Variants in RNF10 observed in about 807,000 individuals in gnomAD.
The protein encoded by RNF10 is E3 ubiquitin-protein ligase RNF10.
A neutral mutation model predicts 91.4 loss-of-function variants in RNF10; 38 were observed. That is an observed-to-expected ratio of 0.42 (90% CI 0.32 to 0.54). The LOEUF is 0.54. Ranked by LOEUF, RNF10 falls within the 20% of genes least tolerant of loss-of-function variation. RNF10 has a pLI of 0.16. For synonymous variants in RNF10, 364 were observed against 366.3 expected (o/e 0.99, Z 0.07); for missense variants, 945 against 1,012.0 (o/e 0.93, Z 0.90).
In RNF10 at chr12:120,577,562, AG is replaced by A. The variant is rs1195384740; in HGVS notation, c.*897del. ...GGTGCATTAGAATGCGAAGGCAAATAGTTGCAATAAATCACCTGCACAAGCA... is the reference window on the plus strand; with the variant it reads ...GGTGCATTAGAATGCGAAGGCAAATATTGCAATAAATCACCTGCACAAGCA... On this transcript the variant is annotated 3_prime_UTR_variant, in exon 17 of 17. Transcript: ENST00000325954. The A allele has an allele frequency of 2.3e-5, 4 of 174,782 alleles. No homozygotes were observed. Among genetic ancestry groups the A allele is most frequent in the Non-Finnish European group, 5.0e-5 (4 of 80,752 alleles). 10.8% of individuals were successfully genotyped at this position (174,782 alleles called of 1,614,324 possible). A position where few individuals can be genotyped will look rare whatever the true frequency, so the allele number is the denominator to read the frequency against.
Position 120,563,468 on chromosome 12 carries a change from A to T in RNF10, c.1376A>T (p.Glu459Val). 6.2e-7 allele frequency: 1 copy of T among 1,614,084 alleles called. No individual in the cohort carries two copies. Among genetic ancestry groups the T allele is most frequent in the Non-Finnish European group, 8.5e-7 (1 of 1,180,004 alleles). Residue 459 changes from glutamate (E) to valine (V), a missense_variant, in exon 9 of 17, where the codon GAG becomes GTG. Physicochemically the swap from Glu to Val is moderately radical, Grantham distance 121 (BLOSUM62 -2). Transcript: ENST00000325954. ...GAGGAGGAAGCAGTGTCTGAACCAG[A>T]GCCTGAGGGGTTGCCAGAGGCCTGT... ...VEEEEAVSEP[E>V]PEGLPEACDD... is the part of the protein sequence containing the mutation.
chr12:120,577,353 G>A lies in RNF10; in HGVS notation c.*687G>A, dbSNP rs975233314. 2.9e-6 allele frequency: 1 copy of A among 349,414 alleles called. No individual in the cohort carries two copies. The highest frequency in any genetic ancestry group is 5.5e-6 in the Non-Finnish European group (1 of 180,532). 21.6% of individuals were successfully genotyped at this position (349,414 alleles called of 1,614,324 possible). A position where few individuals can be genotyped will look rare whatever the true frequency, so the allele number is the denominator to read the frequency against. On this transcript the variant is annotated 3_prime_UTR_variant, in exon 17 of 17. Coordinates refer to ENST00000325954, the MANE Select transcript of RNF10 (RefSeq NM_014868.5). ...CCTGAGACCTGCTACCCCTAAGATC[G>A]AGCTTGTTTTCAGTGACTGGCTTGA... is the stretch of plus-strand genomic sequence containing the variant.
At chr12:120,544,104 G>A (rs1871948736) in intron 1 of RNF10, among the ~76,000 whole-genome samples, 1 of 151,852 alleles carries the variant, frequency 6.6e-6, no homozygotes, top group Non-Finnish European at 1.5e-5. Flanking sequence ...GCTCATGCCT[G>A]TAATCCTAGC....
Position 120,560,899 on chromosome 12 carries a change from A to G in RNF10, c.1128+13A>G. ...CCAGGAGCTCAAGGTGAGAGGATGC[A>G]TTGGAGATGCTAAACCTTTTCACTT... On this transcript the variant is annotated intron_variant, in intron 7 of 16. Coordinates refer to ENST00000325954, the MANE Select transcript of RNF10 (RefSeq NM_014868.5). 1 of 1,612,994 alleles carries G rather than the reference A, an allele frequency of 6.2e-7. No homozygotes were observed. Among genetic ancestry groups the G allele is most frequent in the Non-Finnish European group, 8.5e-7 (1 of 1,179,260 alleles).
chr12:120,552,964 C>A (rs1873342478), intron 3 of RNF10, among the ~76,000 whole-genome samples: 1 of 146,966 alleles, frequency 6.8e-6, no homozygotes, highest in African/African-American at 2.5e-5. Context: ...AGATTTGAAT[C>A]TTGTTTCGGC....
At chr12:120,571,313 C>T (rs1450623091) in intron 14 of RNF10, 22 bp downstream of exon 14, 1 of 1,535,336 alleles carries the variant, frequency 6.5e-7, no homozygotes, top group South Asian at 1.1e-5. Flanking sequence ...GCTTGTGAAG[C>T]AGCCCAGGGG....
intron 2 of RNF10, among the ~76,000 whole-genome samples, chr12:120,547,874 A>G (rs1451347640): frequency 6.6e-6 from 1 of 152,196 alleles, no homozygotes; most frequent in Non-Finnish European, 1.5e-5. Context: ...GAGTGGAAGC[A>G]GGAAGACTAA....
intron 13 of RNF10, among the ~76,000 whole-genome samples, chr12:120,570,854 T>C (rs1031340945): frequency 6.6e-6 from 1 of 152,214 alleles, no homozygotes; most frequent in African/African-American, 2.4e-5. Flanking sequence ...AACCAGTCCC[T>C]GACAGTACCT....
At chr12:120,549,279 G>A (rs1297874916) in intron 2 of RNF10, among the ~76,000 whole-genome samples, 1 of 152,154 alleles carries the variant, frequency 6.6e-6, no homozygotes, top group Non-Finnish European at 1.5e-5. Flanking sequence ...GAGTGAAGGA[G>A]TTGTCTGGGA....
intron 6 of RNF10, 124 bp downstream of exon 6, chr12:120,557,806 T>G (rs1319384880): frequency 9.4e-7 from 1 of 1,063,068 alleles, no homozygotes; most frequent in East Asian, 2.4e-5. Flanking sequence ...ATATTAGTCA[T>G]AGGATTCCAG....
chr12:120,535,833 C>T (rs1870696712), intron 1 of RNF10, among the ~76,000 whole-genome samples: 1 of 152,174 alleles, frequency 6.6e-6, no homozygotes, highest in Admixed American at 6.5e-5. Context: ...GAAGTTTTTA[C>T]CTCTGTTTTC....
intron 6 of RNF10, among the ~76,000 whole-genome samples, chr12:120,559,677 T>A (rs1250701087): frequency 1.3e-5 from 2 of 150,974 alleles, no homozygotes; most frequent in Non-Finnish European, 3.0e-5. Flanking sequence ...GCCACCGTAC[T>A]CCGCCTGGTG....
chr12:120,575,668 C>T lies in RNF10; in HGVS notation c.2180C>T (p.Pro727Leu), dbSNP rs537385311. Residue 727 changes from proline to leucine, a missense_variant, in exon 15 of 17, where the codon CCC becomes CTC. By Grantham distance (98) the Pro-to-Leu change is moderately conservative. Transcript: ENST00000325954. ...GGAAAAGCAAAAGCAGATGTGTGGC[C>T]CAAAACTGCTCCAAAGAAAGGTGAG... ...RVGKAKADVW[P>L]KTAPKKDENS... 6.2e-7 allele frequency: 1 copy of T among 1,614,122 alleles called. No individual in the cohort carries two copies. The highest frequency in any genetic ancestry group is 1.1e-5 in the South Asian group (1 of 91,070).
intron 12 of RNF10, among the ~76,000 whole-genome samples, chr12:120,565,876 C>A (rs556152868): frequency 6.6e-6 from 1 of 152,310 alleles, no homozygotes; most frequent in Non-Finnish European, 1.5e-5. Flanking sequence ...ATTAAAGGGA[C>A]CAGCTATACA....
chr12:120,567,474 G>A (rs1294795769), intron 13 of RNF10, among the ~76,000 whole-genome samples: 1 of 152,120 alleles, frequency 6.6e-6, no homozygotes, highest in Admixed American at 6.6e-5. Context: ...AGGCCAAGGC[G>A]GGTGGATCAC....
At chr12:120,553,041 T>G (rs909052922) in intron 3 of RNF10, among the ~76,000 whole-genome samples, 39 of 4,278 alleles carry the variant, frequency 9.1e-3, no homozygotes, top group African/African-American at 0.026. Context: ...AGGAAAGGTT[T>G]TTTTTTTTTT....
intron 16 of RNF10, among the ~76,000 whole-genome samples, 169 bp from the exon 17 acceptor site, chr12:120,576,421 G>T (rs1039725763): frequency 3.2e-4 from 49 of 152,192 alleles, no homozygotes; most frequent in Non-Finnish European, 5.9e-5. Flanking sequence ...AAAGTGATTT[G>T]CCCAAAGACA....
chr12:120,560,741 A>C lies in RNF10; in HGVS notation c.983A>C (p.Gln328Pro), dbSNP rs577063076. 1 of 1,614,042 alleles carries C rather than the reference A, an allele frequency of 6.2e-7. No homozygotes were observed. Among genetic ancestry groups the C allele is most frequent in the African/African-American group, 1.3e-5 (1 of 75,062 alleles). The change falls in exon 7 of 17, where the codon CAG (glutamine) becomes CCG (proline). Residue 328 changes from glutamine to proline, a missense_variant. By Grantham distance (76) the Gln-to-Pro change is moderately conservative (BLOSUM62 -1). Coordinates refer to ENST00000325954, the MANE Select transcript of RNF10 (RefSeq NM_014868.5). ...PIHLGDEQHS[Q>P]YSKLLLASKE... ...ATTCTTATAGATGAACAGCACAGCC[A>C]GTACTCCAAGTTGCTGCTGGCCTCT...
chr12:120,561,400 C>T (rs1285532059), intron 7 of RNF10, among the ~76,000 whole-genome samples: 2 of 152,178 alleles, frequency 1.3e-5, no homozygotes, highest in East Asian at 3.8e-4. Context: ...ATCACAACCA[C>T]TGGTTGTTAG....
Sources: allele counts gnomAD v4.1 joint callset (sites outside exome capture counted in the v4.1 genomes callset), GRCh38; gene constraint gnomAD v4.1.1; transcripts MANE v1.5; gene names NCBI Gene and HGNC (gene_info 2026-07-23, HGNC 2026-07-21).